NCKAP5: variants seen among roughly 807,000 people sequenced by gnomAD.
NCKAP5 encodes the protein nck-associated protein 5.
Under a neutral mutation model 167.0 loss-of-function variants are expected in NCKAP5, and 92 were observed. The observed-to-expected ratio is 0.55, with a 90% CI of 0.47 to 0.66. The LOEUF is 0.66. Among genes scored for constraint, NCKAP5 ranks in the 30% least tolerant of loss-of-function variants. NCKAP5 has a pLI of 0.00. For synonymous variants in NCKAP5, 891 were observed against 877.4 expected (o/e 1.02, Z -0.27); for missense variants, 2,378 against 2,315.0 (o/e 1.03, Z -0.56).
chr2:133,368,571 T>C (rs13426157), intron 3 of NCKAP5, among the ~76,000 whole-genome samples: 43,512 of 152,070 alleles, frequency 0.29, 6,696 homozygotes, highest in African/African-American at 0.39. Flanking sequence ...AGTCACATTG[T>C]TAATTTGGAG....
At chr2:133,311,702 T>C (rs1681244989) in intron 3 of NCKAP5, among the ~76,000 whole-genome samples, 1 of 152,176 alleles carries the variant, frequency 6.6e-6, no homozygotes, top group African/African-American at 2.4e-5. Flanking sequence ...GTGCCAGATG[T>C]TATCACTCAG....
chr2:133,356,184 C>A (rs202125780), intron 3 of NCKAP5, among the ~76,000 whole-genome samples: 1 of 152,152 alleles, frequency 6.6e-6, no homozygotes, highest in East Asian at 1.9e-4. Flanking sequence ...ATCTCAGCCT[C>A]CCAAAGTGCT....
intron 4 of NCKAP5, among the ~76,000 whole-genome samples, chr2:133,243,334 C>T (rs1405143429): frequency 1.3e-5 from 2 of 152,180 alleles, no homozygotes; most frequent in Non-Finnish European, 2.9e-5. Flanking sequence ...AAGTCTACTC[C>T]TCTAGGAGAC....
chr2:133,015,015 C>G (rs142247416), intron 6 of NCKAP5, among the ~76,000 whole-genome samples: 10 of 152,264 alleles, frequency 6.6e-5, no homozygotes, highest in African/African-American at 2.4e-4. Context: ...TTTGTTTTCA[C>G]AGCAGGGCTC....
intron 10 of NCKAP5, among the ~76,000 whole-genome samples, chr2:132,866,559 A>C (rs1370534453): frequency 6.6e-6 from 1 of 152,128 alleles, no homozygotes; most frequent in Non-Finnish European, 1.5e-5. Context: ...TCATGGAAAT[A>C]ATTTTTTTTT....
intron 5 of NCKAP5, among the ~76,000 whole-genome samples, chr2:133,157,225 C>G (rs551265200): frequency 6.6e-6 from 1 of 152,162 alleles, no homozygotes; most frequent in African/African-American, 2.4e-5. Flanking sequence ...AGGTAACAAG[C>G]GGGCCCATCA....
intron 4 of NCKAP5, among the ~76,000 whole-genome samples, chr2:133,269,727 TA>T (rs2089423560): frequency 6.6e-6 from 1 of 152,186 alleles, no homozygotes; most frequent in African/African-American, 2.4e-5. Context: ...GACTTTTGTT[TA>T]ATAGATCACT....
At chr2:132,861,856 C>T (rs1405209738) in intron 10 of NCKAP5, among the ~76,000 whole-genome samples, 7 of 152,184 alleles carry the variant, frequency 4.6e-5, no homozygotes, top group Non-Finnish European at 8.8e-5. Context: ...CAGACAAGCT[C>T]AAGAAGATAC....
intron 2 of NCKAP5, among the ~76,000 whole-genome samples, chr2:133,558,703 G>GAAAAAAA (rs1687926915): frequency 1.9e-4 from 1 of 5,210 alleles, no homozygotes; most frequent in African/African-American, 1.6e-3. Context: ...AATGTGCTGA[G>GAAAAAAA]CAAAAAAAAA....
intron 8 of NCKAP5, among the ~76,000 whole-genome samples, chr2:132,918,680 A>G (rs960540225): frequency 1.3e-5 from 2 of 152,224 alleles, no homozygotes; most frequent in African/African-American, 4.8e-5. Flanking sequence ...GATTTCTAAA[A>G]TAAGAACAAA....
chr2:133,582,830 C>T, the NCKAP5 span, among the ~76,000 whole-genome samples: 1 of 152,174 alleles, frequency 6.6e-6, no homozygotes, highest in Admixed American at 6.5e-5. Context: ...CTCTCTAAAG[C>T]CTTCACTCAG....
intron 3 of NCKAP5, among the ~76,000 whole-genome samples, chr2:133,485,074 G>A (rs1680789474): frequency 6.6e-6 from 1 of 152,110 alleles, no homozygotes; most frequent in South Asian, 2.1e-4. Flanking sequence ...CATTTACTTG[G>A]CCATCAAGGC....
chr2:133,336,338 GT>G (rs1683205635), intron 3 of NCKAP5, among the ~76,000 whole-genome samples: 1 of 152,146 alleles, frequency 6.6e-6, no homozygotes, highest in South Asian at 2.1e-4. Context: ...AAGCGGCTAA[GT>G]TGGGAATCAA....
At chr2:132,979,700 C>T (rs1305472630) in intron 7 of NCKAP5, among the ~76,000 whole-genome samples, 1 of 152,214 alleles carries the variant, frequency 6.6e-6, no homozygotes, top group African/African-American at 2.4e-5. Flanking sequence ...CATCACAGTG[C>T]CCATAACCCT....
chr2:133,326,272 G>A (rs1303271782), intron 3 of NCKAP5, among the ~76,000 whole-genome samples: 1 of 152,040 alleles, frequency 6.6e-6, no homozygotes, highest in Non-Finnish European at 1.5e-5. Context: ...TGGCCAACAC[G>A]GTGAAACCCT....
upstream of NCKAP5, among the ~76,000 whole-genome samples, chr2:133,569,663 C>T (rs917907431): frequency 6.6e-6 from 1 of 152,278 alleles, no homozygotes; most frequent in East Asian, 1.9e-4. Flanking sequence ...TAAGCTCTCT[C>T]CCTGGCCTTG....
At chr2:132,930,310 G>A (rs1237778940) in intron 8 of NCKAP5, 1 of 152,162 alleles carries the variant, frequency 6.6e-6, no homozygotes, top group Non-Finnish European at 1.5e-5. Flanking sequence ...ACTTGAGTGG[G>A]CTGAAGGATG....
At chr2:133,086,369 G>T (rs1487657056) in intron 6 of NCKAP5, among the ~76,000 whole-genome samples, 1 of 152,170 alleles carries the variant, frequency 6.6e-6, no homozygotes, top group African/African-American at 2.4e-5. Context: ...AGGCAGAAGT[G>T]ACTCACACCG....
chr2:132,768,637 CTT>C (rs566719697), intron 16 of NCKAP5, among the ~76,000 whole-genome samples: 2,666 of 124,510 alleles, frequency 0.021, 50 homozygotes, highest in African/African-American at 0.074. Context: ...TTAATAATAT[CTT>C]TTTTTTTTTT....
Sources: gnomAD v4.1 joint callset for allele counts (sites outside exome capture counted in the v4.1 genomes callset) on GRCh38, gnomAD v4.1.1 for gene constraint, MANE v1.5 for transcripts, NCBI Gene and HGNC (gene_info 2026-07-23, HGNC 2026-07-21) for gene names.